NXPE2: variants seen among roughly 807,000 people sequenced by gnomAD.
The protein encoded by NXPE2 is neurexophilin and PC-esterase domain family member 2.
Under a neutral mutation model 34.4 loss-of-function variants are expected in NXPE2, and 34 were observed. That is an observed-to-expected ratio of 0.99 (90% CI 0.75 to 1.31). The LOEUF (loss-of-function observed/expected upper bound fraction) is 1.31. Ranked by LOEUF, NXPE2 falls within the 40% of genes most tolerant of loss-of-function variation. The probability of loss-of-function intolerance (pLI) is 0.00; values close to 1 mark genes in which losing one functional copy is unlikely to be tolerated. For synonymous variants in NXPE2, 235 were observed against 231.3 expected (o/e 1.02, Z -0.15); for missense variants, 649 against 672.5 (o/e 0.97, Z 0.39).
At chr11:114,521,878 A>G in the NXPE2 span, 13 of 986,740 alleles carry the variant, frequency 1.3e-5, no homozygotes, top group South Asian at 2.1e-4. Context: ...TATTTTCCTT[A>G]GTTCCTAAAA....
At chr11:114,584,030 C>T in the NXPE2 span, 12 of 337,818 alleles carry the variant, frequency 3.6e-5, no homozygotes, top group African/African-American at 2.3e-4. Flanking sequence ...GGTGATCTTA[C>T]AGCATGGCTC....
the NXPE2 span, among the ~76,000 whole-genome samples, chr11:114,638,287 G>T: frequency 6.6e-6 from 1 of 151,810 alleles, no homozygotes; most frequent in Non-Finnish European, 1.5e-5. Flanking sequence ...TCTTCATGTA[G>T]TTCTCGAGCC....
upstream of NXPE2, among the ~76,000 whole-genome samples, chr11:114,675,517 TA>T (rs1475265271): frequency 1.3e-5 from 2 of 151,672 alleles, no homozygotes; most frequent in Non-Finnish European, 3.0e-5. Context: ...AACAATAAAC[TA>T]TCTGAAAAAG....
chr11:114,499,782 A>G, the NXPE2 span, among the ~76,000 whole-genome samples: 2 of 151,780 alleles, frequency 1.3e-5, no homozygotes, highest in Admixed American at 6.6e-5. Context: ...GTCAGTTCCA[A>G]CTCCTCATGG....
chr11:114,728,104 C>T, the NXPE2 span, among the ~76,000 whole-genome samples: 1 of 152,040 alleles, frequency 6.6e-6, no homozygotes, highest in African/African-American at 2.4e-5. Flanking sequence ...ATGTAACGTC[C>T]TCAAATCTCT....
the NXPE2 span, among the ~76,000 whole-genome samples, chr11:114,770,558 G>A: frequency 6.6e-6 from 1 of 152,220 alleles, no homozygotes; most frequent in Non-Finnish European, 1.5e-5. Context: ...CATAAATAGA[G>A]TTAACATCAC....
the NXPE2 span, chr11:114,528,753 G>C: frequency 1.6e-6 from 1 of 614,052 alleles, no homozygotes. Flanking sequence ...ATTAAGGGGA[G>C]AATGAGGACC....
chr11:114,555,714 A>G, the NXPE2 span, among the ~76,000 whole-genome samples: 1 of 152,120 alleles, frequency 6.6e-6, no homozygotes, highest in Non-Finnish European at 1.5e-5. Context: ...ATAATCACAG[A>G]TTTAGTTTTT....
the NXPE2 span, among the ~76,000 whole-genome samples, chr11:114,606,470 G>T: frequency 1.3e-5 from 2 of 150,582 alleles, no homozygotes; most frequent in East Asian, 4.0e-4. Flanking sequence ...TTGCCTCTAG[G>T]GTAACCACTG....
At chr11:114,639,867 T>TATATTAA in the NXPE2 span, among the ~76,000 whole-genome samples, 1 of 44,888 alleles carries the variant, frequency 2.2e-5, no homozygotes, top group Non-Finnish European at 3.8e-5. Context: ...TATTATATTT[T>TATATTAA]ATATTAAATA....
chr11:114,775,682 C>T, the NXPE2 span, among the ~76,000 whole-genome samples: 1 of 152,046 alleles, frequency 6.6e-6, no homozygotes, highest in Non-Finnish European at 1.5e-5. Flanking sequence ...GGGGTTTTCC[C>T]CTCTTTAATT....
rs1211185813 is a variant in NXPE2 at position 114,706,558 on chromosome 11, C to G, written c.1308C>G (p.Asp436Glu). Residue 436 changes from aspartate to glutamate, a missense_variant, in exon 6 of 6, where the codon GAC (aspartate) becomes GAG (glutamate). Physicochemically the swap from Asp to Glu is conservative, Grantham distance 45. Transcript: ENST00000389586. The stretch of plus-strand genomic sequence containing the variant: ...AAAACTATATCCCACGGGAAATTGA[C>G]CAGGTAGCAGGAGACAAAAACACAG... Reference protein sequence around the residue: ...KDENYIPREIDQVAGDKNTAI... With the variant: ...KDENYIPREIEQVAGDKNTAI... 6.4e-7 allele frequency: 1 copy of G among 1,551,834 alleles called. No homozygotes were observed. The highest frequency in any genetic ancestry group is 8.7e-7 in the Non-Finnish European group (1 of 1,146,992).
chr11:114,704,085 A>T (rs772478997), intron 4 of NXPE2, 33 bp downstream of exon 4: 3 of 1,454,364 alleles, frequency 2.1e-6, no homozygotes, highest in African/African-American at 2.8e-5. Flanking sequence ...TGCCATGATC[A>T]CAATTTATCC....
chr11:114,636,040 G>A, the NXPE2 span, among the ~76,000 whole-genome samples: 4 of 152,072 alleles, frequency 2.6e-5, no homozygotes, highest in African/African-American at 9.6e-5. Flanking sequence ...AGAAGGAACG[G>A]TACCAGTTCC....
At chr11:114,763,801 A>G in the NXPE2 span, among the ~76,000 whole-genome samples, 1 of 152,248 alleles carries the variant, frequency 6.6e-6, no homozygotes. Flanking sequence ...CATTGATTTA[A>G]TGATTGATTA....
the NXPE2 span, among the ~76,000 whole-genome samples, chr11:114,724,844 CTT>C: frequency 3.0e-4 from 36 of 121,480 alleles, no homozygotes; most frequent in Non-Finnish European, 3.2e-4. Context: ...GCTTCCATGG[CTT>C]TTTTTTTTTT....
chr11:114,479,198 A>G, the NXPE2 span, among the ~76,000 whole-genome samples: 13 of 152,308 alleles, frequency 8.5e-5, no homozygotes, highest in South Asian at 2.1e-4. Context: ...TTCTGATGCA[A>G]TTAGTCCCAA....
At chr11:114,718,750 T>G in the NXPE2 span, among the ~76,000 whole-genome samples, 1 of 152,114 alleles carries the variant, frequency 6.6e-6, no homozygotes, top group Admixed American at 6.5e-5. Flanking sequence ...GAATTATACT[T>G]GATGTGTGTA....
the NXPE2 span, among the ~76,000 whole-genome samples, chr11:114,728,590 C>T: frequency 6.6e-6 from 1 of 152,060 alleles, no homozygotes; most frequent in East Asian, 1.9e-4. Flanking sequence ...AACCCTATGT[C>T]TTCCTGCTTC....
Sources: gnomAD v4.1 joint callset for allele counts (sites outside exome capture counted in the v4.1 genomes callset) on GRCh38, gnomAD v4.1.1 for gene constraint, MANE v1.5 for transcripts, NCBI Gene and HGNC (gene_info 2026-07-23, HGNC 2026-07-21) for gene names.